The following NFIL3 variants were observed in gnomAD, a reference collection of about 807,000 sequenced individuals.
The protein encoded by NFIL3 is nuclear factor, interleukin 3 regulated.
Under a neutral mutation model 10.0 loss-of-function variants are expected in NFIL3, and 5 were observed. The ratio of observed to expected loss-of-function variants is 0.50; its 90% CI spans 0.26 to 1.06. NFIL3 has a LOEUF of 1.06. Ranked by LOEUF, NFIL3 falls within the 50% of genes least tolerant of loss-of-function variation. The pLI is 0.13. For synonymous variants in NFIL3, 202 were observed against 206.5 expected, an observed-to-expected ratio of 0.98 and a Z score of 0.19; for missense variants, 436 against 547.6, an observed-to-expected ratio of 0.80 and a Z score of 2.03.
the NFIL3 span, among the ~76,000 whole-genome samples, chr9:91,471,692 A>C: frequency 6.6e-6 from 1 of 152,056 alleles, no homozygotes; most frequent in Non-Finnish European, 1.5e-5. Context: ...TGGAGCATTT[A>C]ACCCATTTAC....
At chr9:91,482,102 T>A in the NFIL3 span, among the ~76,000 whole-genome samples, 1 of 152,154 alleles carries the variant, frequency 6.6e-6, no homozygotes, top group Non-Finnish European at 1.5e-5. Flanking sequence ...TCCGGCAATA[T>A]CCATTAAAAA....
chr9:91,466,177 A>C, the NFIL3 span, among the ~76,000 whole-genome samples: 3 of 152,130 alleles, frequency 2.0e-5, no homozygotes, highest in East Asian at 5.8e-4. Flanking sequence ...GTGTGTTTGG[A>C]ATACAGGAGA....
intron 1 of NFIL3, among the ~76,000 whole-genome samples, chr9:91,421,977 A>G (rs1833779109): frequency 6.6e-6 from 1 of 152,236 alleles, no homozygotes; most frequent in African/African-American, 2.4e-5. Context: ...CAGGGTATCC[A>G]GACAAAAAAA....
the NFIL3 span, among the ~76,000 whole-genome samples, chr9:91,438,678 T>G: frequency 6.6e-6 from 1 of 152,210 alleles, no homozygotes; most frequent in African/African-American, 2.4e-5. Context: ...TTTGAGTTGC[T>G]TTTTGTGCAT....
chr9:91,418,496 G>A (rs1308103557), intron 1 of NFIL3, among the ~76,000 whole-genome samples: 1 of 152,190 alleles, frequency 6.6e-6, no homozygotes, highest in Non-Finnish European at 1.5e-5. Context: ...TGATAATGTA[G>A]AATCATCCCA....
At chr9:91,452,107 C>T in the NFIL3 span, among the ~76,000 whole-genome samples, 1 of 152,114 alleles carries the variant, frequency 6.6e-6, no homozygotes, top group African/African-American at 2.4e-5. Flanking sequence ...TTGGGCATAC[C>T]TCATTACACC....
At chr9:91,452,202 T>C in the NFIL3 span, among the ~76,000 whole-genome samples, 1 of 152,116 alleles carries the variant, frequency 6.6e-6, no homozygotes, top group Non-Finnish European at 1.5e-5. Context: ...CAAAACAATA[T>C]TTAAAATCTA....
At position 91,415,161 on chromosome 9, in the gene NFIL3, C is replaced by T. The variant is rs138503242; in HGVS notation, c.-172-4255G>A. On this transcript the variant is annotated intron_variant, in intron 1 of 1. Coordinates refer to ENST00000297689, the MANE Select transcript of NFIL3 (RefSeq NM_005384.3). ...AAACTCCCGAGACCAGGCGCTCAGT[C>T]GTGGGTGGGTGGGAGACAAACAGGT... is the stretch of plus-strand genomic sequence containing the variant. Among the ~76,000 whole-genome samples the T allele has an allele frequency of 2.8e-4, 42 of 152,116 alleles. No homozygotes were observed. In the East Asian group the frequency reaches 8.1e-3, roughly 29 times the overall value.
At chr9:91,476,727 C>G in the NFIL3 span, among the ~76,000 whole-genome samples, 43 of 152,118 alleles carry the variant, frequency 2.8e-4, no homozygotes, top group Admixed American at 2.4e-3. Flanking sequence ...CAATACAATT[C>G]AACATTTCTT....
At chr9:91,456,077 G>A in the NFIL3 span, among the ~76,000 whole-genome samples, 2 of 152,132 alleles carry the variant, frequency 1.3e-5, no homozygotes, top group African/African-American at 4.8e-5. Flanking sequence ...ATTATTTTGA[G>A]ATCCATTCAT....
At chr9:91,461,459 C>T in the NFIL3 span, among the ~76,000 whole-genome samples, 2 of 151,604 alleles carry the variant, frequency 1.3e-5, no homozygotes, top group Non-Finnish European at 2.9e-5. Context: ...TGACAAATTG[C>T]CACAAACTTC....
At chr9:91,463,707 T>C in the NFIL3 span, among the ~76,000 whole-genome samples, 1 of 152,198 alleles carries the variant, frequency 6.6e-6, no homozygotes, top group Non-Finnish European at 1.5e-5. Flanking sequence ...AGGTTGTCTA[T>C]ATCCTTTCTG....
chr9:91,467,765 C>T, the NFIL3 span, among the ~76,000 whole-genome samples: 1 of 151,998 alleles, frequency 6.6e-6, no homozygotes, highest in Non-Finnish European at 1.5e-5. Flanking sequence ...CAATTCCCAC[C>T]TATGAGTGAG....
chr9:91,424,940 C>T (rs1833853527), upstream of NFIL3, among the ~76,000 whole-genome samples: 1 of 152,246 alleles, frequency 6.6e-6, no homozygotes, highest in African/African-American at 2.4e-5. Flanking sequence ...AAAAGAGCAC[C>T]TAGCCGCGAC....
the NFIL3 span, among the ~76,000 whole-genome samples, chr9:91,464,379 C>G: frequency 2.0e-5 from 3 of 152,000 alleles, no homozygotes; most frequent in Non-Finnish European, 4.4e-5. Context: ...ACTCTACCTT[C>G]AAATAACACT....
chr9:91,430,368 G>T, the NFIL3 span, among the ~76,000 whole-genome samples: 1 of 152,182 alleles, frequency 6.6e-6, no homozygotes, highest in Non-Finnish European at 1.5e-5. Flanking sequence ...GCCTGCTGTA[G>T]ACTTGGCGCT....
upstream of NFIL3, among the ~76,000 whole-genome samples, chr9:91,426,051 C>T (rs894947406): frequency 6.6e-6 from 1 of 152,170 alleles, no homozygotes; most frequent in African/African-American, 2.4e-5. Context: ...ACTCGACCTT[C>T]AAGACAGGTA....
chr9:91,440,652 T>G, the NFIL3 span, among the ~76,000 whole-genome samples: 1 of 152,158 alleles, frequency 6.6e-6, no homozygotes, highest in Non-Finnish European at 1.5e-5. Context: ...GCTGTACACT[T>G]TCCTCTCAGA....
chr9:91,419,691 C>CA (rs1466234535), intron 1 of NFIL3, among the ~76,000 whole-genome samples: 5 of 152,330 alleles, frequency 3.3e-5, no homozygotes, highest in Middle Eastern at 3.4e-3. Context: ...CTGTGCCTGG[C>CA]ACATGCAGAG....
Sources: gnomAD v4.1 joint callset for allele counts (sites outside exome capture counted in the v4.1 genomes callset) on GRCh38, gnomAD v4.1.1 for gene constraint, MANE v1.5 for transcripts, NCBI Gene and HGNC (gene_info 2026-07-23, HGNC 2026-07-21) for gene names.